The following TJP2 variants were observed in gnomAD, a reference collection of about 807,000 sequenced individuals.
TJP2 encodes tight junction protein 2.
A neutral mutation model predicts 133.1 loss-of-function variants in TJP2; 91 were observed. The ratio of observed to expected loss-of-function variants is 0.68; its 90% confidence interval spans 0.58 to 0.81. The LOEUF (loss-of-function observed/expected upper bound fraction) is 0.81, where lower values mean the gene tolerates loss of function less well. Ranked by LOEUF, TJP2 falls within the 40% of genes least tolerant of loss-of-function variation. The pLI is 0.00. For synonymous variants in TJP2, 592 were observed against 583.4 expected (o/e 1.01, Z -0.21); for missense variants, 1,541 against 1,565.6 (o/e 0.98, Z 0.26).
rs537993692 is a variant in TJP2 at position 69,144,088 on chromosome 9, G to A, written c.-130-7563G>A. Among the ~76,000 whole-genome samples the A allele has an allele frequency of 1.6e-3, 241 of 152,052 alleles. 1 individual carries two copies. The highest frequency in any genetic ancestry group is 5.6e-3 in the African/African-American group (233 of 41,482). On this transcript the variant is annotated intron_variant, in intron 1 of 5. Transcript: ENST00000423935. ...CACGATTATAGCTTACTGCAGCCTC[G>A]AACTTGTGGGCTCAAGTGATCCTCC...
chr9:69,250,279 T>A (rs1184896078), intron 20 of TJP2, among the ~76,000 whole-genome samples: 3 of 152,132 alleles, frequency 2.0e-5, no homozygotes, highest in Non-Finnish European at 4.4e-5. Flanking sequence ...AATTTTTGTA[T>A]TTTTAGTAGA....
intron 1 of TJP2, among the ~76,000 whole-genome samples, chr9:69,194,884 C>T (rs1344026366): frequency 6.6e-6 from 1 of 152,162 alleles, no homozygotes; most frequent in Non-Finnish European, 1.5e-5. Flanking sequence ...CCTTTATTCT[C>T]CAATTCTAAT....
intron 20 of TJP2, 53 bp downstream of exon 20, chr9:69,249,538 AAG>A: frequency 1.3e-6 from 2 of 1,560,680 alleles, no homozygotes; most frequent in Non-Finnish European, 1.7e-6. Flanking sequence ...GATGCCTCTG[AAG>A]CCTCCTGGAC....
chr9:69,225,210 T>G (rs766833768), intron 5 of TJP2, 94 bp from the exon 6 acceptor site: 16 of 840,150 alleles, frequency 1.9e-5, no homozygotes, highest in Non-Finnish European at 2.9e-5. Flanking sequence ...AAAATTAACT[T>G]TTTAATACAT....
intron 1 of TJP2, among the ~76,000 whole-genome samples, chr9:69,203,053 A>G (rs1165611009): frequency 2.6e-5 from 4 of 152,138 alleles, no homozygotes; most frequent in East Asian, 1.9e-4. Context: ...AACTTAAGGG[A>G]AAGAAGTATT....
At position 69,238,032 on chromosome 9, in the gene TJP2, AG is replaced by A. The variant is rs773942487; in HGVS notation, c.2275+61del. 2.2e-3 allele frequency: 2,707 copies of A among 1,237,588 alleles called. 4 individuals carry two copies. The highest frequency in any genetic ancestry group is 2.9e-3 in the Non-Finnish European group (2,490 of 846,528). The allele number at this position is 1,237,588 out of a possible 1,614,324, so 76.7% of individuals were successfully genotyped here. ...TTTTATTTTGAAAAATTTCTAACAG[AG>A]GAGTTGGAAGAATCATGAACACCCA... On this transcript the variant is annotated intron_variant, in intron 15 of 22. Coordinates refer to ENST00000377245, the MANE Select transcript of TJP2 (RefSeq NM_004817.4).
intron 5 of TJP2, among the ~76,000 whole-genome samples, chr9:69,224,599 C>G (rs565954595): frequency 9.9e-5 from 15 of 152,256 alleles, no homozygotes; most frequent in African/African-American, 3.6e-4. Flanking sequence ...ATCACTTGAA[C>G]CTGGGAGGCA....
intron 12 of TJP2, 44 bp downstream of exon 12, chr9:69,234,591 G>GGGC: frequency 5.2e-6 from 3 of 572,874 alleles, no homozygotes; most frequent in Non-Finnish European, 1.0e-5. Context: ...TGGGGGTGGG[G>GGGC]AGTGGGAAGG....
At chr9:69,225,250 A>C (rs1829246529) in intron 5 of TJP2, 54 bp from the exon 6 acceptor site, 1 of 1,208,008 alleles carries the variant, frequency 8.3e-7, no homozygotes, top group Admixed American at 1.8e-5. Flanking sequence ...AACCAGACTA[A>C]GTTTTTTGAA....
chr9:69,137,271 T>TTC (rs61042405), intron 1 of TJP2, among the ~76,000 whole-genome samples: 5,628 of 91,026 alleles, frequency 0.062, 194 homozygotes, highest in East Asian at 0.15. Context: ...CTTTCTTTCT[T>TTC]TTTCTTTCTT....
intron 19 of TJP2, chr9:69,248,729 C>A (rs1421959937): frequency 9.0e-6 from 9 of 998,016 alleles, no homozygotes; most frequent in Non-Finnish European, 9.5e-6. Context: ...CATCTGATCA[C>A]ATCACATGTA....
chr9:69,151,475 C>T (rs539680519), intron 1 of TJP2, among the ~76,000 whole-genome samples: 3 of 132,398 alleles, frequency 2.3e-5, no homozygotes, highest in South Asian at 2.4e-4. Context: ...AGCAAAACTC[C>T]GTCTCAAAAA....
rs188884401 is a variant in TJP2, at chr9:69,135,486, G to A, written c.-131+13761G>A. ...GGCAGAGTCTCGCTCTGTCACCCAGGCTGGAGTACAGTGACACGATCTCAG... is the reference window on the plus strand; with the variant it reads ...GGCAGAGTCTCGCTCTGTCACCCAGACTGGAGTACAGTGACACGATCTCAG... On this transcript the variant is annotated intron_variant, in intron 1 of 5. Transcript: ENST00000423935. 2.0e-5 allele frequency among the ~76,000 whole-genome samples: 3 copies of A among 152,274 alleles called. No homozygotes were observed. In the East Asian group the frequency reaches 5.8e-4, roughly 29 times the overall value.
chr9:69,127,093 A>G lies in TJP2; in HGVS notation c.-131+5368A>G, dbSNP rs557397991. Among the ~76,000 whole-genome samples the G allele has an allele frequency of 1.3e-3, 88 of 66,514 alleles. 29 individuals carry two copies. Among genetic ancestry groups the G allele is most frequent in the Middle Eastern group, 0.011 (1 of 88 alleles). The allele number at this position is 66,514 out of a possible 152,430, so 43.6% of individuals were successfully genotyped here. On this transcript the variant is annotated intron_variant, in intron 1 of 5. Transcript: ENST00000423935. ...CTCTCTCTTTTTTTTTTTTTGAGGC[A>G]AAGTCTCACTCTATCGCCCAGGCTG...
rs74468096 is a variant in TJP2 at position 69,234,164 on chromosome 9, C to T, written c.1672-275C>T. 1.1e-3 allele frequency among the ~76,000 whole-genome samples: 171 copies of T among 152,186 alleles called. 3 individuals carry two copies. Among genetic ancestry groups the T allele is most frequent in the African/African-American group, 4.0e-3 (168 of 41,526 alleles). ...ATTCTATTGTGATCTGGTGACAGATCCTTGCTTCAATGGCTTAACCTCTAA... is the reference window on the plus strand; with the variant it reads ...ATTCTATTGTGATCTGGTGACAGATTCTTGCTTCAATGGCTTAACCTCTAA... On this transcript the variant is annotated intron_variant, in intron 11 of 22. Transcript: ENST00000377245.
At chr9:69,232,375 C>T (rs1168684446) in intron 11 of TJP2, among the ~76,000 whole-genome samples, 1 of 152,130 alleles carries the variant, frequency 6.6e-6, no homozygotes, top group Non-Finnish European at 1.5e-5. Flanking sequence ...TCTTCAGGCT[C>T]ACAGCAGACA....
At chr9:69,201,034 A>C (rs1826951745) in intron 1 of TJP2, among the ~76,000 whole-genome samples, 1 of 152,184 alleles carries the variant, frequency 6.6e-6, no homozygotes, top group Admixed American at 6.5e-5. Flanking sequence ...ATGTCGAATG[A>C]ATGAGCCTCT....
upstream of TJP2, among the ~76,000 whole-genome samples, chr9:69,171,747 G>C (rs1271807052): frequency 6.6e-6 from 1 of 150,924 alleles, no homozygotes; most frequent in African/African-American, 2.4e-5. Flanking sequence ...TTTTATCAAG[G>C]GGTTGACAGA....
intron 20 of TJP2, among the ~76,000 whole-genome samples, chr9:69,250,042 C>T (rs1230713626): frequency 6.6e-6 from 1 of 152,174 alleles, no homozygotes; most frequent in East Asian, 1.9e-4. Context: ...AGAATCAGAG[C>T]TGTGACTCTA....
Sources: allele counts gnomAD v4.1 joint callset (sites outside exome capture counted in the v4.1 genomes callset), GRCh38; gene constraint gnomAD v4.1.1; transcripts MANE v1.5; gene names NCBI Gene and HGNC (gene_info 2026-07-23, HGNC 2026-07-21).